The following GDNF variants were observed in gnomAD, a reference collection of about 807,000 sequenced individuals.
The protein encoded by GDNF is glial cell derived neurotrophic factor.
GDNF carries 5 observed loss-of-function variants against 13.7 expected under a neutral mutation model. The ratio of observed to expected loss-of-function variants is 0.36; its 90% CI spans 0.19 to 0.77. The LOEUF is 0.77. Among genes scored for constraint, GDNF ranks in the 30% least tolerant of loss-of-function variants. The pLI is 0.51. For synonymous variants in GDNF, 122 were observed against 112.5 expected, an observed-to-expected ratio of 1.08 and a Z score of -0.53; for missense variants, 246 against 274.3, an observed-to-expected ratio of 0.90 and a Z score of 0.73.
At position 37,815,487 on chromosome 5, in the gene GDNF, T is replaced by TTCCTCCTCCTCC. The variant is rs150577324; in HGVS notation, c.*152_*163dup. ...CTACCAGGCTCCCATGATGGCTGCC[T>TTCCTCCTCCTCC]TCCTCCTCCTCCTCCTCCTCCTCCT... On this transcript the variant is annotated 3_prime_UTR_variant, in exon 3 of 3. Transcript: ENST00000326524. This position sits in a 1 kb window ranked among gnomAD's most constrained non-coding sequence, Gnocchi z 5.0. 13,021 of 636,000 alleles carry TTCCTCCTCCTCC rather than the reference T, an allele frequency of 0.02. 223 individuals carry two copies. The highest frequency in any genetic ancestry group is 0.026 in the African/African-American group (1,230 of 47,282). 39.4% of individuals were successfully genotyped at this position (636,000 alleles called of 1,614,324 possible). A position where few individuals can be genotyped will look rare whatever the true frequency, so the allele number is the denominator to read the frequency against.
intron 1 of GDNF, 115 bp from the exon 2 acceptor site, chr5:37,834,937 C>A (rs1750651610): frequency 1.1e-6 from 1 of 949,032 alleles, no homozygotes; most frequent in East Asian, 2.7e-5. Context: ...TCCGGCACCG[C>A]TGCAGGCCAG....
chr5:37,815,612 T>C lies in GDNF; in HGVS notation c.*39A>G, dbSNP rs770256327. On this transcript the variant is annotated 3_prime_UTR_variant, in exon 3 of 3. Transcript: ENST00000326524. This position sits in a 1 kb window ranked among gnomAD's most constrained non-coding sequence, Gnocchi z 5.0. ...AACCTTGGTCCCTTTCTTTGCACTG[T>C]AGCAGGAATGCAATACACAGCAGTC... 1.3e-6 allele frequency: 2 copies of C among 1,599,040 alleles called. No individual in the cohort carries two copies. The highest frequency in any genetic ancestry group is 4.5e-5 in the East Asian group (2 of 44,812).
chr5:37,816,025 T>G lies in GDNF; in HGVS notation c.262A>C (p.Arg88=). ...GCAGCCTGCCGATTCCGCTCTCTTCTAGGAAGCACTGCCATTTGTTTATCT... is the reference window on the plus strand; with the variant it reads ...GCAGCCTGCCGATTCCGCTCTCTTCGAGGAAGCACTGCCATTTGTTTATCT... The part of the protein sequence containing the change: ...SPDKQMAVLP[R]RERNRQAAAA... The change falls in exon 3 of 3, where the codon AGA becomes CGA. Residue 88 remains arginine (R), a synonymous_variant. Transcript: ENST00000326524. The G allele has an allele frequency of 4.3e-6, 7 of 1,613,706 alleles. No individual in the cohort carries two copies. The highest frequency in any genetic ancestry group is 5.9e-6 in the Non-Finnish European group (7 of 1,179,642).
intron 2 of GDNF, among the ~76,000 whole-genome samples, chr5:37,829,050 T>C (rs565011400): frequency 2.6e-5 from 4 of 152,384 alleles, no homozygotes; most frequent in African/African-American, 9.6e-5. Flanking sequence ...GGTGCCCCAC[T>C]GCTATCAAAA....
At position 37,838,111 on chromosome 5, in the gene GDNF, AC is replaced by A. The variant is rs1346163370; in HGVS notation, c.-27+1395del. Among the ~76,000 whole-genome samples, 1 of 150,868 alleles carries A rather than the reference AC, an allele frequency of 6.6e-6. No individual in the cohort carries two copies. Among genetic ancestry groups the A allele is most frequent in the Non-Finnish European group, 1.5e-5 (1 of 67,864 alleles). Reference sequence around the variant, plus strand: ...TGACAGAGGACTTATTCTCCCCTCAACCCCCCATAACTGCGGGGCCCAAGAT... The same window carrying A: ...TGACAGAGGACTTATTCTCCCCTCAACCCCCATAACTGCGGGGCCCAAGAT... On this transcript the variant is annotated intron_variant, in intron 1 of 2. Transcript: ENST00000326524. This position sits in a 1 kb window ranked among gnomAD's most constrained non-coding sequence, Gnocchi z 4.1.
chr5:37,836,281 A>T (rs539822051), intron 1 of GDNF, among the ~76,000 whole-genome samples: 1 of 152,174 alleles, frequency 6.6e-6, no homozygotes, highest in South Asian at 2.1e-4. Context: ...ATTAGTTCAC[A>T]GGCACCCCCG....
At chr5:37,835,857 G>C (rs1390145387) in intron 1 of GDNF, 1 of 627,104 alleles carries the variant, frequency 1.6e-6, no homozygotes, top group East Asian at 2.7e-5. Flanking sequence ...GGCCTAGACC[G>C]TGGTACGGCG....
At chr5:37,818,815 C>A (rs62360372) in intron 2 of GDNF, among the ~76,000 whole-genome samples, 22,420 of 152,050 alleles carry the variant, frequency 0.15, 2,260 homozygotes, top group African/African-American at 0.29. Context: ...TGTGGCTAGT[C>A]CCACATCTCC....
chr5:37,823,700 G>T (rs1750217314), intron 2 of GDNF, among the ~76,000 whole-genome samples: 1 of 152,216 alleles, frequency 6.6e-6, no homozygotes, highest in Non-Finnish European at 1.5e-5. Context: ...AGACAAGAGA[G>T]GCCCGGATTC....
rs979483674 is a variant in GDNF at position 37,814,837 on chromosome 5, C to T, written c.*814G>A. The T allele has an allele frequency of 6.6e-6, 1 of 152,350 alleles. No homozygotes were observed. Among genetic ancestry groups the T allele is most frequent in the African/African-American group, 2.4e-5 (1 of 41,468 alleles). 9.4% of individuals were successfully genotyped at this position (152,350 alleles called of 1,614,324 possible). A position where few individuals can be genotyped will look rare whatever the true frequency, so the allele number is the denominator to read the frequency against. On this transcript the variant is annotated 3_prime_UTR_variant, in exon 3 of 3. Transcript: ENST00000326524. ...TAAACCAACAGGCCTGAGGGGCTCTCCCTGCCCGGGGGCAGTTCGGGGCCT... is the reference window on the plus strand; with the variant it reads ...TAAACCAACAGGCCTGAGGGGCTCTTCCTGCCCGGGGGCAGTTCGGGGCCT...
chr5:37,835,468 A>G, intron 1 of GDNF: 2 of 1,462,996 alleles, frequency 1.4e-6, no homozygotes, highest in Non-Finnish European at 1.8e-6. Context: ...GTTAGCAGGG[A>G]CTTGGAGACT....
chr5:37,819,050 C>G (rs538574063), intron 2 of GDNF, among the ~76,000 whole-genome samples: 1 of 152,310 alleles, frequency 6.6e-6, no homozygotes, highest in South Asian at 2.1e-4. Context: ...GGAACTCTGT[C>G]CTGCTTGTTC....
intron 2 of GDNF, among the ~76,000 whole-genome samples, chr5:37,831,092 C>A (rs1197141893): frequency 1.3e-5 from 2 of 152,172 alleles, no homozygotes; most frequent in East Asian, 3.8e-4. Flanking sequence ...ATTTTGTGAA[C>A]TGCTACCAAA....
chr5:37,829,954 C>T (rs74726883), intron 2 of GDNF, among the ~76,000 whole-genome samples: 2 of 152,210 alleles, frequency 1.3e-5, no homozygotes, highest in African/African-American at 4.8e-5. Context: ...AGTGGCAGAG[C>T]TCCTTTCCAG....
In GDNF at chr5:37,812,956, T is replaced by A. The variant is rs998685466; in HGVS notation, c.*2695A>T. The A allele has an allele frequency of 6.6e-6, 1 of 152,204 alleles. No homozygotes were observed. The highest frequency in any genetic ancestry group is 6.5e-5 in the Admixed American group (1 of 15,286). 9.4% of individuals were successfully genotyped at this position (152,204 alleles called of 1,614,324 possible). On this transcript the variant is annotated 3_prime_UTR_variant, in exon 3 of 3. Coordinates refer to ENST00000326524, the MANE Select transcript of GDNF (RefSeq NM_000514.4). ...CCGGGAACGAGCTATTGACACCCCTTGGATCCTACAGCTTTTTTGGGCAGG... is the reference window on the plus strand; with the variant it reads ...CCGGGAACGAGCTATTGACACCCCTAGGATCCTACAGCTTTTTTGGGCAGG...
intron 2 of GDNF, among the ~76,000 whole-genome samples, chr5:37,822,590 C>T (rs1232490781): frequency 6.6e-6 from 1 of 152,208 alleles, no homozygotes; most frequent in African/African-American, 2.4e-5. Context: ...AGGCTGTCTT[C>T]AGACAGGAGG....
intron 2 of GDNF, among the ~76,000 whole-genome samples, chr5:37,834,300 G>A (rs2111717677): frequency 6.6e-6 from 1 of 152,360 alleles, no homozygotes; most frequent in East Asian, 1.9e-4. Context: ...GAAAAACTGG[G>A]AGTGTGTATA....
rs563838857 is a variant in GDNF at position 37,839,103 on chromosome 5, T to C, written c.-27+404A>G. On this transcript the variant is annotated intron_variant, in intron 1 of 2. Transcript: ENST00000326524. The surrounding 1 kb of genome is among the most constrained non-coding windows in gnomAD (Gnocchi z 5.5). ...TAGTAAGTTGCACTCTTGGCAATGA[T>C]AGTATCTCTGCACGTCCAGAGAGGA... 5.9e-5 allele frequency among the ~76,000 whole-genome samples: 9 copies of C among 152,266 alleles called. 1 individual carries two copies. The South Asian group carries it at 1.9e-3, about 32-fold the overall frequency.
At chr5:37,821,492 G>C (rs1036211296) in intron 2 of GDNF, among the ~76,000 whole-genome samples, 1 of 152,056 alleles carries the variant, frequency 6.6e-6, no homozygotes, top group Non-Finnish European at 1.5e-5. Context: ...CTGCTTGGAG[G>C]ATATATCTTG....
Sources: gnomAD v4.1 joint callset for allele counts (sites outside exome capture counted in the v4.1 genomes callset) on GRCh38, gnomAD v4.1.1 for gene constraint, Gnocchi (gnomAD v3.1) non-coding constraint, MANE v1.5 for transcripts, NCBI Gene and HGNC (gene_info 2026-07-23, HGNC 2026-07-21) for gene names.